Variants in GALNT9 observed in about 807,000 individuals in gnomAD.
GALNT9 encodes polypeptide N-acetylgalactosaminyltransferase 9.
GALNT9 carries 47 observed loss-of-function variants against 63.1 expected under a neutral mutation model. The ratio of observed to expected loss-of-function variants is 0.75; its 90% confidence interval spans 0.59 to 0.95. GALNT9 has a LOEUF of 0.95. Among genes scored for constraint, GALNT9 ranks in the 40% least tolerant of loss-of-function variants. GALNT9 has a pLI of 0.00. For missense variants in GALNT9, 829 were observed against 874.8 expected (o/e 0.95, Z 0.66); for synonymous variants, 396 against 365.7 (o/e 1.08, Z -0.94).
In GALNT9 at chr12:132,272,032, C is replaced by CG. The variant is rs578127426; in HGVS notation, c.420-9408dup. The stretch of plus-strand genomic sequence containing the variant: ...CAGGGCCAGAGGCTGCGCTCGAGGG[C>CG]GGGGGGAGGAGGAGACAGGAGAGAG... On this transcript the variant is annotated intron_variant, in intron 2 of 10. Coordinates refer to ENST00000328957, the MANE Select transcript of GALNT9 (RefSeq NM_001122636.2). Among the ~76,000 whole-genome samples, 10 of 152,030 alleles carry CG rather than the reference C, an allele frequency of 6.6e-5. No individual in the cohort carries two copies. In the South Asian group the frequency reaches 1.7e-3, roughly 25 times the overall value.
intron 1 of GALNT9, among the ~76,000 whole-genome samples, chr12:132,322,968 T>G (rs1289397254): frequency 6.6e-6 from 1 of 152,068 alleles, no homozygotes; most frequent in Non-Finnish European, 1.5e-5. Context: ...GGGCACTTCC[T>G]CGGGCTCGAG....
intron 6 of GALNT9, among the ~76,000 whole-genome samples, chr12:132,220,083 A>G (rs1051450074): frequency 1.3e-5 from 2 of 152,246 alleles, no homozygotes; most frequent in African/African-American, 4.8e-5. Context: ...ACTTCCATAA[A>G]AGATGAGCAC....
At chr12:132,202,006 A>G (rs1051086717) in intron 7 of GALNT9, among the ~76,000 whole-genome samples, 1 of 152,230 alleles carries the variant, frequency 6.6e-6, no homozygotes, top group African/African-American at 2.4e-5. Flanking sequence ...TGGGGAGGGC[A>G]GACGACTTGG....
chr12:132,329,295 C>G lies in GALNT9; in HGVS notation c.-92G>C, dbSNP rs1555246791. 2.7e-6 allele frequency: 4 copies of G among 1,456,260 alleles called. No individual in the cohort carries two copies. 90.2% of individuals were successfully genotyped at this position (1,456,260 alleles called of 1,614,324 possible). ...CAGCTTCGGCTTCGGGGACCATGAG[C>G]CGCCCGGGGCTGCGGGGGCTGCGGG... On this transcript the variant is annotated 5_prime_UTR_variant, in exon 1 of 11. Transcript: ENST00000328957.
chr12:132,207,541 G>T lies in GALNT9; in HGVS notation c.1078-3851C>A, dbSNP rs1876769766. Among the ~76,000 whole-genome samples the T allele has an allele frequency of 5.3e-5, 8 of 152,276 alleles. No individual in the cohort carries two copies. In the South Asian group the frequency reaches 1.2e-3, roughly 24 times the overall value. On this transcript the variant is annotated intron_variant, in intron 6 of 10. Coordinates refer to ENST00000328957, the MANE Select transcript of GALNT9 (RefSeq NM_001122636.2). ...TGCTGAGCTTGCGGGTGGTGCCGAG[G>T]CCCCTTCTTGGGTGAATGCAGCCTC... is the stretch of plus-strand genomic sequence containing the variant.
chr12:132,218,200 C>T (rs976299326), intron 6 of GALNT9, among the ~76,000 whole-genome samples: 2 of 152,192 alleles, frequency 1.3e-5, no homozygotes, highest in South Asian at 2.1e-4. Context: ...TCTGTCTGGG[C>T]GCTGTGCAAA....
intron 1 of GALNT9, among the ~76,000 whole-genome samples, chr12:132,305,107 A>G (rs868985210): frequency 7.7e-5 from 5 of 64,722 alleles, no homozygotes; most frequent in African/African-American, 2.6e-4. Flanking sequence ...GCACAGCCTC[A>G]CCCAGACACG....
chr12:132,306,521 G>T (rs546386136), intron 1 of GALNT9, among the ~76,000 whole-genome samples: 2 of 152,332 alleles, frequency 1.3e-5, no homozygotes, highest in South Asian at 2.1e-4. Context: ...AGTTCTTAAG[G>T]CGAAGTCAGT....
intron 6 of GALNT9, among the ~76,000 whole-genome samples, chr12:132,208,663 C>G (rs891111243): frequency 6.6e-6 from 1 of 152,226 alleles, no homozygotes; most frequent in Non-Finnish European, 1.5e-5. Context: ...GCTCACCTGG[C>G]TGCTGACTGC....
At chr12:132,244,969 CG>C (rs1878651745) in intron 6 of GALNT9, among the ~76,000 whole-genome samples, 1 of 145,888 alleles carries the variant, frequency 6.9e-6, no homozygotes, top group Non-Finnish European at 1.5e-5. Flanking sequence ...GCCCCCAGGA[CG>C]GGAGAGAGGT....
intron 5 of GALNT9, among the ~76,000 whole-genome samples, chr12:132,257,348 A>AG (rs1245129981): frequency 1.3e-5 from 2 of 152,022 alleles, no homozygotes; most frequent in African/African-American, 4.8e-5. Flanking sequence ...GGCAAAGCCC[A>AG]GGGGCCCCAG....
In GALNT9 at chr12:132,245,794, G is replaced by A. The variant is rs1012425377; in HGVS notation, c.1077+2116C>T. On this transcript the variant is annotated intron_variant, in intron 6 of 10. Coordinates refer to ENST00000328957, the MANE Select transcript of GALNT9 (RefSeq NM_001122636.2). The surrounding 1 kb of genome is among the most constrained non-coding windows in gnomAD (Gnocchi z 6.3). ...CAGCTGGGTTTGGCCCACGGGAGCC[G>A]ATTTTGTTTGGAGGGGAGGTGGGCG... 5.3e-5 allele frequency among the ~76,000 whole-genome samples: 8 copies of A among 152,224 alleles called. No homozygotes were observed. The highest frequency in any genetic ancestry group is 2.1e-4 in the South Asian group (1 of 4,834).
At position 132,252,346 on chromosome 12, in the gene GALNT9, C is replaced by T. The variant is rs1015827874; in HGVS notation, c.960-4319G>A. 2.0e-5 allele frequency among the ~76,000 whole-genome samples: 3 copies of T among 152,188 alleles called. No individual in the cohort carries two copies. The highest frequency in any genetic ancestry group is 2.9e-5 in the Non-Finnish European group (2 of 68,030). On this transcript the variant is annotated intron_variant, in intron 5 of 10. Coordinates refer to ENST00000328957, the MANE Select transcript of GALNT9 (RefSeq NM_001122636.2). This position sits in a 1 kb window ranked among gnomAD's most constrained non-coding sequence, Gnocchi z 5.2. ...GACTGAAGCCTTCGTGTCTTGCGGA[C>T]GCCGACACTGACATTTAATGTTATT... is the stretch of plus-strand genomic sequence containing the variant.
intron 6 of GALNT9, among the ~76,000 whole-genome samples, chr12:132,224,625 CCATA>C: frequency 1.4e-5 from 2 of 140,096 alleles, no homozygotes; most frequent in East Asian, 2.2e-4. Context: ...CCCATACACC[CCATA>C]TACACACCCC....
chr12:132,230,701 C>G (rs1215076665), intron 6 of GALNT9, among the ~76,000 whole-genome samples: 9 of 152,352 alleles, frequency 5.9e-5, no homozygotes, highest in Non-Finnish European at 1.2e-4. Flanking sequence ...CCTCCTGTAG[C>G]TGGGACACGG....
At chr12:132,324,423 G>C (rs1868942985) in intron 1 of GALNT9, among the ~76,000 whole-genome samples, 1 of 152,164 alleles carries the variant, frequency 6.6e-6, no homozygotes, top group South Asian at 2.1e-4. Context: ...GACGGGGCAC[G>C]TGCTTTGTGC....
At chr12:132,197,312 C>G (rs946342885) in intron 10 of GALNT9, 59 bp from the exon 11 acceptor site, 20 of 1,587,502 alleles carry the variant, frequency 1.3e-5, no homozygotes, top group Admixed American at 8.5e-5. Flanking sequence ...CCCCTCCCCC[C>G]ACCTCAGGGA....
Position 132,235,164 on chromosome 12 carries a change from G to GA in GALNT9, c.1077+12745_1077+12746insT, listed in dbSNP as rs1593074433. Among the ~76,000 whole-genome samples, 315 of 82,902 alleles carry GA rather than the reference G, an allele frequency of 3.8e-3. 43 individuals are homozygous for GA. The highest frequency in any genetic ancestry group is 0.011 in the South Asian group (23 of 2,026). 54.4% of individuals were successfully genotyped at this position (82,902 alleles called of 152,430 possible). ...GTGCCACACACTCGATGGGGTGACA[G>GA]GGACAGCGTGGAGCCCCTAGTGCCA... On this transcript the variant is annotated intron_variant, in intron 6 of 10. Transcript: ENST00000328957.
At chr12:132,322,398 G>C (rs1236909672) in intron 1 of GALNT9, among the ~76,000 whole-genome samples, 1 of 152,274 alleles carries the variant, frequency 6.6e-6, no homozygotes, top group Non-Finnish European at 1.5e-5. Flanking sequence ...GGAAGGAACG[G>C]ACATGCGGCA....
Sources: gnomAD v4.1 joint callset for allele counts (sites outside exome capture counted in the v4.1 genomes callset) on GRCh38, gnomAD v4.1.1 for gene constraint, Gnocchi (gnomAD v3.1) non-coding constraint, MANE v1.5 for transcripts, NCBI Gene and HGNC (gene_info 2026-07-23, HGNC 2026-07-21) for gene names.